ARMC3: variants seen among roughly 807,000 people sequenced by gnomAD.
The protein encoded by ARMC3 is armadillo repeat-containing protein 3.
ARMC3 carries 74 observed loss-of-function variants against 90.3 expected under a neutral mutation model. The observed-to-expected ratio is 0.82, with a 90% CI of 0.68 to 0.99. The LOEUF (loss-of-function observed/expected upper bound fraction) is 0.99. Ranked by LOEUF, ARMC3 falls within the 50% of genes least tolerant of loss-of-function variation. The pLI is 0.00. For synonymous variants in ARMC3, 334 were observed against 361.8 expected (o/e 0.92, Z 0.87); for missense variants, 958 against 1,042.8 (o/e 0.92, Z 1.12).
intron 10 of ARMC3, among the ~76,000 whole-genome samples, chr10:22,983,366 T>C (rs948922352): frequency 1.3e-5 from 2 of 152,192 alleles, no homozygotes. Flanking sequence ...ATTATCTATT[T>C]TACAGATTTT....
intron 5 of ARMC3, 123 bp downstream of exon 5, chr10:22,959,261 C>T: frequency 7.6e-7 from 1 of 1,313,586 alleles, no homozygotes; most frequent in South Asian, 1.3e-5. Flanking sequence ...CAAACCACAG[C>T]TCAATTTTGA....
chr10:22,957,041 A>T (rs571690137), intron 4 of ARMC3, among the ~76,000 whole-genome samples: 2 of 152,230 alleles, frequency 1.3e-5, no homozygotes, highest in African/African-American at 4.8e-5. Flanking sequence ...CTCTTAGTGG[A>T]GACTGAATTC....
intron 10 of ARMC3, among the ~76,000 whole-genome samples, chr10:22,987,631 T>G (rs1284292645): frequency 6.6e-6 from 1 of 152,104 alleles, no homozygotes; most frequent in Non-Finnish European, 1.5e-5. Flanking sequence ...AGAACTGAAG[T>G]TTTGTTACAG....
Position 23,006,940 on chromosome 10 carries a change from T to TGACC in ARMC3, c.1789_1792dup (p.Leu598ArgfsTer11). 1 of 1,613,834 alleles carries TGACC rather than the reference T, an allele frequency of 6.2e-7. No homozygotes were observed. Among genetic ancestry groups the TGACC allele is most frequent in the Non-Finnish European group, 8.5e-7 (1 of 1,179,862 alleles). On this transcript the variant is annotated frameshift_variant, in exon 14 of 19. Transcript: ENST00000298032. ...AGGAGCTCTGCTTACAAGAACCAAG[T>TGACC]GACCTACGGGCTGTACTCTTAATCA...
At chr10:22,968,664 GCTA>G (rs1835550195) in intron 8 of ARMC3, among the ~76,000 whole-genome samples, 175 bp downstream of exon 8, 1 of 152,036 alleles carries the variant, frequency 6.6e-6, no homozygotes, top group African/African-American at 2.4e-5. Context: ...ACCATGCCTG[GCTA>G]ATTTTTGTAT....
intron 7 of ARMC3, among the ~76,000 whole-genome samples, chr10:22,967,947 A>G (rs1269278890): frequency 6.6e-6 from 1 of 152,214 alleles, no homozygotes; most frequent in African/African-American, 2.4e-5. Flanking sequence ...ATTTTAAAGT[A>G]TATATTTTCA....
At chr10:23,025,261 A>G (rs1838671287) in intron 16 of ARMC3, among the ~76,000 whole-genome samples, 1 of 152,098 alleles carries the variant, frequency 6.6e-6, no homozygotes. Flanking sequence ...ACAAGATCTC[A>G]TTGACATATG....
intron 10 of ARMC3, among the ~76,000 whole-genome samples, chr10:22,995,764 G>A (rs1019863822): frequency 1.3e-5 from 2 of 152,140 alleles, no homozygotes; most frequent in Non-Finnish European, 2.9e-5. Flanking sequence ...TTTTCAAGAT[G>A]AAAGAAAAAG....
At chr10:23,027,058 T>C (rs1392982805) in intron 16 of ARMC3, among the ~76,000 whole-genome samples, 1 of 152,186 alleles carries the variant, frequency 6.6e-6, no homozygotes, top group African/African-American at 2.4e-5. Flanking sequence ...CAGTGATTCT[T>C]CCCACTTTAT....
At chr10:22,973,960 A>G (rs1026255125) in intron 8 of ARMC3, among the ~76,000 whole-genome samples, 4 of 151,776 alleles carry the variant, frequency 2.6e-5, no homozygotes, top group African/African-American at 4.8e-5. Context: ...GGGTTTCACC[A>G]TGTTAGCCAG....
intron 10 of ARMC3, among the ~76,000 whole-genome samples, chr10:22,993,313 A>G (rs1253331701): frequency 6.6e-6 from 1 of 152,234 alleles, no homozygotes. Context: ...TTGATAAAAG[A>G]GAAGAATATA....
At chr10:23,005,894 G>C (rs1238189740) in intron 13 of ARMC3, among the ~76,000 whole-genome samples, 1 of 151,980 alleles carries the variant, frequency 6.6e-6, no homozygotes, top group Non-Finnish European at 1.5e-5. Context: ...AGAAATGAGA[G>C]GTGCCATGGA....
intron 17 of ARMC3, among the ~76,000 whole-genome samples, chr10:23,032,369 A>G (rs1275609750): frequency 6.6e-6 from 1 of 152,166 alleles, no homozygotes; most frequent in Non-Finnish European, 1.5e-5. Flanking sequence ...ATTTTTAAAG[A>G]AAAAATAAAA....
intron 8 of ARMC3, among the ~76,000 whole-genome samples, chr10:22,969,847 A>G (rs753304470): frequency 3.1e-4 from 47 of 152,124 alleles, no homozygotes; most frequent in Non-Finnish European, 6.3e-4. Context: ...GGGTCATTCT[A>G]AGACTGTTCT....
rs1838890521 is a variant in ARMC3, at chr10:23,030,694, G to A, written c.2144G>A (p.Trp715Ter). The change falls in exon 17 of 19, where the codon TGG (tryptophan) becomes TAG (stop). Residue 715 changes from tryptophan (W) to a stop codon, truncating the protein, a stop_gained. Coordinates refer to ENST00000298032, the MANE Select transcript of ARMC3 (RefSeq NM_173081.5). LOFTEE classifies it high-confidence loss of function. ...GGTGAAGGAAGCTCTGACAAAGAAT[G>A]GTGTCCTCCCTCTGACCCTGATTTC... ...FVGEGSSDKE[W>*]CPPSDPDFSM... The A allele has an allele frequency of 6.2e-7, 1 of 1,613,862 alleles. No homozygotes were observed. The highest frequency in any genetic ancestry group is 8.5e-7 in the Non-Finnish European group (1 of 1,179,856).
intron 13 of ARMC3, among the ~76,000 whole-genome samples, chr10:23,004,207 A>G (rs1007902620): frequency 1.3e-5 from 2 of 152,168 alleles, no homozygotes; most frequent in Non-Finnish European, 2.9e-5. Context: ...GTGAAAAGCT[A>G]GAAATTAAAA....
At chr10:22,997,790 A>G (rs1293158360) in intron 10 of ARMC3, among the ~76,000 whole-genome samples, 1 of 152,184 alleles carries the variant, frequency 6.6e-6, no homozygotes, top group African/African-American at 2.4e-5. Context: ...GAGTTTCTTT[A>G]AATAGAATTT....
At position 23,032,849 on chromosome 10, in the gene ARMC3, TA is replaced by T; in HGVS notation, c.2247-10del. 1 of 1,606,976 alleles carries T rather than the reference TA, an allele frequency of 6.2e-7. No homozygotes were observed. Among genetic ancestry groups the T allele is most frequent in the Non-Finnish European group, 8.5e-7 (1 of 1,176,516 alleles). On this transcript the variant is annotated splice_polypyrimidine_tract_variant and intron_variant, in intron 17 of 18. Transcript: ENST00000298032. The stretch of plus-strand genomic sequence containing the variant: ...AAAATTGACCGATTTGATCTCAATG[TA>T]ATTGACACAGGTATGTAGCAGAAAA...
In ARMC3 at chr10:22,998,379, C is replaced by T. The variant is rs1416564188; in HGVS notation, c.1407C>T (p.Asp469=). Residue 469 remains aspartate (D), a synonymous_variant, in exon 11 of 19, where the codon GAC becomes GAT. Transcript: ENST00000298032. ...TCGCTGTCACCGCAACTGCGTGTGA[C>T]GTTGAAGCCCGGACTGAGGTGAGAA... ...AALAVTATAC[D]VEARTELRNS... The T allele has an allele frequency of 4.3e-6, 7 of 1,613,996 alleles. No individual in the cohort carries two copies. The highest frequency in any genetic ancestry group is 1.6e-4 in the Middle Eastern group (1 of 6,082).
Sources: gnomAD v4.1 joint callset for allele counts (sites outside exome capture counted in the v4.1 genomes callset) on GRCh38, gnomAD v4.1.1 for gene constraint, MANE v1.5 for transcripts, NCBI Gene and HGNC (gene_info 2026-07-23, HGNC 2026-07-21) for gene names.